The following GRIP1 variants were observed in gnomAD, a reference collection of about 807,000 sequenced individuals.
The protein encoded by GRIP1 is glutamate receptor-interacting protein 1.
Under a neutral mutation model 129.9 loss-of-function variants are expected in GRIP1, and 45 were observed. The observed-to-expected ratio is 0.35, with a 90% CI of 0.27 to 0.44. The LOEUF (loss-of-function observed/expected upper bound fraction) is 0.44, where lower values mean the gene tolerates loss of function less well. Ranked by LOEUF, GRIP1 falls within the 20% of genes least tolerant of loss-of-function variation. The probability of loss-of-function intolerance (pLI) is 1.00; values close to 1 mark genes in which losing one functional copy is unlikely to be tolerated. For missense variants in GRIP1, 1,196 were observed against 1,396.8 expected, an observed-to-expected ratio of 0.86 and a Z score of 2.29; for synonymous variants, 530 against 520.8, an observed-to-expected ratio of 1.02 and a Z score of -0.24.
intron 1 of GRIP1, among the ~76,000 whole-genome samples, chr12:67,045,671 C>G (rs939419510): frequency 2.0e-5 from 3 of 152,146 alleles, no homozygotes; most frequent in Non-Finnish European, 4.4e-5. Context: ...TTTCAACTTA[C>G]AGTTGTAGCT....
At chr12:66,519,662 C>T (rs1204925484) in intron 5 of GRIP1, among the ~76,000 whole-genome samples, 2 of 152,192 alleles carry the variant, frequency 1.3e-5, no homozygotes, top group Non-Finnish European at 2.9e-5. Context: ...TTTGCAGCAG[C>T]AAGGCCAAAC....
At chr12:67,012,128 A>T (rs771666629) in intron 1 of GRIP1, among the ~76,000 whole-genome samples, 8 of 152,204 alleles carry the variant, frequency 5.3e-5, no homozygotes, top group Non-Finnish European at 1.2e-4. Context: ...CTGAAAGACT[A>T]TCACAGTGAA....
chr12:66,751,185 G>GC (rs1207566963), intron 1 of GRIP1, among the ~76,000 whole-genome samples: 1 of 152,062 alleles, frequency 6.6e-6, no homozygotes, highest in Non-Finnish European at 1.5e-5. Context: ...TAGAGTGAAA[G>GC]CCCCCCAAAG....
chr12:66,959,697 G>A (rs987918183), intron 1 of GRIP1, among the ~76,000 whole-genome samples: 2 of 151,926 alleles, frequency 1.3e-5, no homozygotes, highest in African/African-American at 2.4e-5. Context: ...AAATATATAT[G>A]TATCTCTTTC....
At chr12:66,363,830 G>C (rs1313089679) in intron 23 of GRIP1, among the ~76,000 whole-genome samples, 1 of 152,164 alleles carries the variant, frequency 6.6e-6, no homozygotes, top group Non-Finnish European at 1.5e-5. Context: ...CTAGAGGCTG[G>C]GGTAAAGAGG....
chr12:66,471,118 C>G (rs1473795690), intron 7 of GRIP1, among the ~76,000 whole-genome samples: 3 of 152,158 alleles, frequency 2.0e-5, no homozygotes, highest in Non-Finnish European at 2.9e-5. Context: ...GGCAGAGCAG[C>G]AAGAAGGGTG....
intron 1 of GRIP1, among the ~76,000 whole-genome samples, chr12:66,950,674 C>T (rs191800166): frequency 1.3e-4 from 20 of 151,750 alleles, no homozygotes; most frequent in Admixed American, 1.3e-3. Context: ...TGTGTGTGTG[C>T]GTGTGTCTGT....
intron 7 of GRIP1, among the ~76,000 whole-genome samples, chr12:66,484,815 A>T (rs1269495170): frequency 2.6e-5 from 4 of 152,228 alleles, no homozygotes; most frequent in Non-Finnish European, 5.9e-5. Context: ...CAAAAGAGCC[A>T]GAAGAGAAGA....
rs63070262 is a variant in GRIP1, at chr12:66,444,492, CAAAAAAAAAAA to C, written c.1687+81_1687+91del. The C allele has an allele frequency of 9.9e-3, 6,613 of 668,942 alleles. 52 individuals are homozygous for C. Among genetic ancestry groups the C allele is most frequent in the Non-Finnish European group, 0.012 (5,516 of 443,256 alleles). The allele number at this position is 668,942 out of a possible 1,614,324, so 41.4% of individuals were successfully genotyped here. ...TGGGCGACAGAGCGAGACTCCGTCT[CAAAAAAAAAAA>C]AAAAAAAAAAATAGTTTCCTCTCTG... On this transcript the variant is annotated intron_variant, in intron 13 of 24. Coordinates refer to ENST00000359742, the MANE Select transcript of GRIP1 (RefSeq NM_001366722.1).
chr12:66,848,396 C>T (rs2039855511), intron 1 of GRIP1, among the ~76,000 whole-genome samples: 1 of 152,048 alleles, frequency 6.6e-6, no homozygotes, highest in African/African-American at 2.4e-5. Context: ...AGGAATAAAA[C>T]AGTGAATAAG....
chr12:66,606,747 G>A (rs1359241236), intron 1 of GRIP1, among the ~76,000 whole-genome samples: 3 of 152,184 alleles, frequency 2.0e-5, no homozygotes, highest in African/African-American at 7.2e-5. Context: ...CCTAGGGCAG[G>A]GCAGGCATAT....
intron 2 of GRIP1, among the ~76,000 whole-genome samples, chr12:66,553,021 C>T (rs1258344615): frequency 2.0e-5 from 3 of 152,132 alleles, no homozygotes; most frequent in Non-Finnish European, 2.9e-5. Flanking sequence ...GCTCTCACAC[C>T]CTGTATTTGG....
At chr12:66,923,900 A>C (rs972842692) in intron 1 of GRIP1, among the ~76,000 whole-genome samples, 6 of 151,978 alleles carry the variant, frequency 3.9e-5, no homozygotes, top group African/African-American at 1.5e-4. Flanking sequence ...GCTGGAGTGT[A>C]ATGGCGCCAT....
chr12:66,644,059 G>A (rs1484339069), intron 1 of GRIP1, among the ~76,000 whole-genome samples: 1 of 152,130 alleles, frequency 6.6e-6, no homozygotes, highest in East Asian at 1.9e-4. Flanking sequence ...GCAGCGGCAA[G>A]AGAAAATGAG....
intron 16 of GRIP1, among the ~76,000 whole-genome samples, chr12:66,404,262 A>ATT: frequency 6.6e-6 from 1 of 151,860 alleles, no homozygotes; most frequent in South Asian, 2.1e-4. Flanking sequence ...GCAACTATAG[A>ATT]TTTTTTTTTA....
Position 66,434,775 on chromosome 12 carries a change from G to C in GRIP1, c.1688-2147C>G, listed in dbSNP as rs1405425123. 3.9e-5 allele frequency among the ~76,000 whole-genome samples: 6 copies of C among 152,336 alleles called. No homozygotes were observed. In the East Asian group the frequency reaches 7.7e-4, roughly 20 times the overall value. ...GAATTTGGAATTAGCATGCACACTG[G>C]GGGCAGAGAGGGCCTTTGGAAGTGG... On this transcript the variant is annotated intron_variant, in intron 13 of 24. Transcript: ENST00000359742.
At chr12:66,400,623 T>A (rs932768826) in intron 16 of GRIP1, among the ~76,000 whole-genome samples, 33 of 152,182 alleles carry the variant, frequency 2.2e-4, no homozygotes, top group Non-Finnish European at 3.8e-4. Flanking sequence ...TGGTTTTTTT[T>A]AAACACAGAT....
chr12:67,039,308 C>T (rs552206972), intron 1 of GRIP1, among the ~76,000 whole-genome samples: 2 of 152,170 alleles, frequency 1.3e-5, no homozygotes, highest in Non-Finnish European at 2.9e-5. Flanking sequence ...GAAAACAGGC[C>T]CTGAGTCTTT....
intron 1 of GRIP1, among the ~76,000 whole-genome samples, chr12:66,608,616 G>A (rs1007775287): frequency 1.1e-4 from 17 of 152,160 alleles, no homozygotes; most frequent in Admixed American, 9.2e-4. Context: ...TCAGGCATAA[G>A]CCACCATGCC....
Sources: allele counts gnomAD v4.1 joint callset (sites outside exome capture counted in the v4.1 genomes callset), GRCh38; gene constraint gnomAD v4.1.1; transcripts MANE v1.5; gene names NCBI Gene and HGNC (gene_info 2026-07-23, HGNC 2026-07-21).